SNAP91: variants seen among roughly 807,000 people sequenced by gnomAD.
SNAP91 encodes the protein clathrin coat assembly protein AP180.
Under a neutral mutation model 100.3 loss-of-function variants are expected in SNAP91, and 27 were observed. The ratio of observed to expected loss-of-function variants is 0.27; its 90% CI spans 0.20 to 0.37. The LOEUF (loss-of-function observed/expected upper bound fraction) is 0.37. Among genes scored for constraint, SNAP91 ranks in the 10% least tolerant of loss-of-function variants. The pLI, the probability that SNAP91 is intolerant of heterozygous loss-of-function variation, is 1.00. For synonymous variants in SNAP91, 404 were observed against 398.6 expected, an observed-to-expected ratio of 1.01 and a Z score of -0.16; for missense variants, 986 against 1,123.7, an observed-to-expected ratio of 0.88 and a Z score of 1.75.
intron 2 of SNAP91, among the ~76,000 whole-genome samples, chr6:83,676,205 TTCTA>T (rs1247931701): frequency 1.2e-4 from 18 of 152,128 alleles, no homozygotes; most frequent in Admixed American, 7.2e-4. Flanking sequence ...CCAGGCACTG[TTCTA>T]TCTATCATCT....
chr6:83,581,261 C>G (rs1038260299), intron 23 of SNAP91, among the ~76,000 whole-genome samples: 1 of 152,040 alleles, frequency 6.6e-6, no homozygotes, highest in African/African-American at 2.4e-5. Context: ...AAAAGTTGAT[C>G]ACATTTCAAA....
Position 83,593,524 on chromosome 6 carries a change from G to T in SNAP91, c.1650C>A (p.Ser550=), listed in dbSNP as rs114784590. ...TAAATTTTTT[S]AATATTAPPA... is the part of the protein sequence containing the mutation. ...GAGGAGCAGTGGTGGCGGTGGCAGC[G>T]GAGGTGGTGGTAGTGGTGGTGGCAG... Residue 550 remains serine (S), a synonymous_variant, in exon 18 of 30, where the codon TCC becomes TCA. Coordinates refer to ENST00000369694, the MANE Select transcript of SNAP91 (RefSeq NM_001242792.2). 1.9e-6 allele frequency: 3 copies of T among 1,552,620 alleles called. No individual in the cohort carries two copies. Among genetic ancestry groups the T allele is most frequent in the Non-Finnish European group, 2.6e-6 (3 of 1,147,636 alleles).
intron 26 of SNAP91, among the ~76,000 whole-genome samples, chr6:83,570,624 G>A (rs913336551): frequency 2.6e-5 from 4 of 152,038 alleles, no homozygotes; most frequent in Admixed American, 6.6e-5. Flanking sequence ...GGGACCTGGT[G>A]CCCAGTGTCC....
chr6:83,677,249 T>C (rs1041419443), intron 2 of SNAP91, among the ~76,000 whole-genome samples: 6 of 152,204 alleles, frequency 3.9e-5, no homozygotes, highest in Admixed American at 2.6e-4. Context: ...CTCAGAGTTA[T>C]GTCAGTCATT....
chr6:83,620,410 TG>T (rs1189911046), intron 9 of SNAP91, among the ~76,000 whole-genome samples: 13 of 152,208 alleles, frequency 8.5e-5, no homozygotes, highest in Non-Finnish European at 1.6e-4. Flanking sequence ...CCATATAACC[TG>T]GTACTTCGGA....
At position 83,659,114 on chromosome 6, in the gene SNAP91, AG is replaced by A. The variant is rs771533345; in HGVS notation, c.453-23del. The A allele has an allele frequency of 4.5e-6, 6 of 1,323,076 alleles. No homozygotes were observed. The South Asian group carries it at 7.7e-5, about 17-fold the overall frequency. The allele number at this position is 1,323,076 out of a possible 1,614,324, so 82.0% of individuals were successfully genotyped here. On this transcript the variant is annotated intron_variant, in intron 5 of 29. Transcript: ENST00000369694. Reference sequence around the variant, plus strand: ...GGCCCTACAATTAAAAAAAAAAAAAAGGTACAATTTCATTGGATATGGACAA... The same window carrying A: ...GGCCCTACAATTAAAAAAAAAAAAAAGTACAATTTCATTGGATATGGACAA...
intron 7 of SNAP91, among the ~76,000 whole-genome samples, chr6:83,656,365 G>C (rs1187698014): frequency 6.6e-6 from 1 of 152,118 alleles, no homozygotes; most frequent in Non-Finnish European, 1.5e-5. Flanking sequence ...AAACAGCATA[G>C]GCTTCCCATC....
chr6:83,660,207 AG>A (rs1384139531), intron 5 of SNAP91, among the ~76,000 whole-genome samples: 2 of 152,244 alleles, frequency 1.3e-5, no homozygotes, highest in Admixed American at 6.5e-5. Flanking sequence ...GTCACAATGC[AG>A]CTGGGAACAT....
intron 8 of SNAP91, among the ~76,000 whole-genome samples, chr6:83,626,727 C>T (rs545336934): frequency 1.3e-5 from 2 of 152,150 alleles, no homozygotes; most frequent in South Asian, 4.1e-4. Flanking sequence ...TGAAACTTTA[C>T]TGAAGTTGTT....
intron 7 of SNAP91, among the ~76,000 whole-genome samples, chr6:83,650,678 A>G (rs898696272): frequency 9.9e-5 from 15 of 152,198 alleles, no homozygotes; most frequent in Non-Finnish European, 1.9e-4. Context: ...TTGGCATCCC[A>G]AAGTGCTGGG....
In SNAP91 at chr6:83,707,813, T is replaced by C; in HGVS notation, c.115A>G (p.Lys39Glu). 1 of 1,613,460 alleles carries C rather than the reference T, an allele frequency of 6.2e-7. No homozygotes were observed. The highest frequency in any genetic ancestry group is 8.5e-7 in the Non-Finnish European group (1 of 1,179,690). The change falls in exon 2 of 30, where the codon AAA (lysine) becomes GAA (glutamate). Residue 39 changes from lysine (K) to glutamate (E), a missense_variant. This residue lies in a region of SNAP91 where 330 missense variants were observed against 447.5 expected (regional missense o/e 0.74). Transcript: ENST00000369694. ...AGATGCTTACAGTCCAGGTGCTTTT[T>C]CTTGGGGCCCATTACTTCATGAGTA... is the stretch of plus-strand genomic sequence containing the variant. ...ATTHEVMGPK[K>E]KHLDYLIQAT...
At chr6:83,570,458 A>C (rs191427164) in intron 26 of SNAP91, among the ~76,000 whole-genome samples, 1 of 151,576 alleles carries the variant, frequency 6.6e-6, no homozygotes, top group African/African-American at 2.4e-5. Context: ...AAAGAGCCGA[A>C]TGTTTATCAC....
In SNAP91 at chr6:83,682,234, G is replaced by A. The variant is rs550936080; in HGVS notation, c.131-16653C>T. 1.3e-3 allele frequency among the ~76,000 whole-genome samples: 190 copies of A among 148,052 alleles called. 1 individual carries two copies. The highest frequency in any genetic ancestry group is 4.5e-3 in the African/African-American group (183 of 40,380). ...GCTCTGTTGTGCAGGCTGGAGTACG[G>A]TGGTACAATCATGGCTCACTGAAGC... On this transcript the variant is annotated intron_variant, in intron 2 of 29. Transcript: ENST00000369694.
intron 8 of SNAP91, among the ~76,000 whole-genome samples, chr6:83,637,153 G>A (rs2097491834): frequency 6.6e-6 from 1 of 152,202 alleles, no homozygotes; most frequent in African/African-American, 2.4e-5. Context: ...GGAGGCAGGG[G>A]CCAAGAGATA....
chr6:83,627,828 G>T (rs1317126619), intron 8 of SNAP91, among the ~76,000 whole-genome samples: 1 of 151,634 alleles, frequency 6.6e-6, no homozygotes, highest in Non-Finnish European at 1.5e-5. Flanking sequence ...TGTATGTTTT[G>T]GGGGTGTCAA....
At chr6:83,613,572 C>G (rs2096284953) in intron 11 of SNAP91, among the ~76,000 whole-genome samples, 1 of 152,162 alleles carries the variant, frequency 6.6e-6, no homozygotes, top group East Asian at 1.9e-4. Flanking sequence ...TGAAGGTTCC[C>G]AGGCTCGGAG....
intron 24 of SNAP91, among the ~76,000 whole-genome samples, chr6:83,579,543 A>G (rs9444092): frequency 0.027 from 4,126 of 152,292 alleles, 187 homozygotes; most frequent in African/African-American, 0.092. Flanking sequence ...ACTACCTTGA[A>G]TAATATTACG....
Position 83,599,291 on chromosome 6 carries a change from G to C in SNAP91, c.1324+1980C>G, listed in dbSNP as rs547921919. On this transcript the variant is annotated intron_variant, in intron 16 of 29. Coordinates refer to ENST00000369694, the MANE Select transcript of SNAP91 (RefSeq NM_001242792.2). ...TAAGATAGAGTTGATTGATTTCTTTGAGGTAATCAACTCCTTATAAGTGGA... is the reference window on the plus strand; with the variant it reads ...TAAGATAGAGTTGATTGATTTCTTTCAGGTAATCAACTCCTTATAAGTGGA... 7.2e-5 allele frequency among the ~76,000 whole-genome samples: 11 copies of C among 152,256 alleles called. No homozygotes were observed. In the East Asian group the frequency reaches 2.1e-3, roughly 29 times the overall value.
chr6:83,665,029 A>G (rs1183898186), intron 3 of SNAP91, among the ~76,000 whole-genome samples: 1 of 152,160 alleles, frequency 6.6e-6, no homozygotes, highest in Non-Finnish European at 1.5e-5. Flanking sequence ...TTAGCAATAA[A>G]GGATTTTTAA....
Sources: gnomAD v4.1 joint callset for allele counts (sites outside exome capture counted in the v4.1 genomes callset) on GRCh38, gnomAD v4.1.1 for gene constraint, gnomAD v4.1.1 regional missense constraint, MANE v1.5 for transcripts, NCBI Gene and HGNC (gene_info 2026-07-23, HGNC 2026-07-21) for gene names.